Variants in BCL10 observed in about 807,000 individuals in gnomAD.
BCL10 encodes the protein BCL10 immune signaling adaptor, also known as B-cell lymphoma/leukemia 10.
BCL10 carries 5 observed loss-of-function variants against 19.2 expected under a neutral mutation model. That is an observed-to-expected ratio of 0.26 (90% CI 0.14 to 0.55). BCL10 has a LOEUF of 0.55. Among genes scored for constraint, BCL10 ranks in the 20% least tolerant of loss-of-function variants. The probability of loss-of-function intolerance (pLI) is 0.94; values close to 1 mark genes in which losing one functional copy is unlikely to be tolerated. For missense variants in BCL10, 201 were observed against 271.9 expected (o/e 0.74, Z 1.83); for synonymous variants, 110 against 98.8 (o/e 1.11, Z -0.67).
chr1:85,273,235 T>C (rs1660414478), intron 1 of BCL10, among the ~76,000 whole-genome samples: 1 of 152,196 alleles, frequency 6.6e-6, no homozygotes, highest in Non-Finnish European at 1.5e-5. Flanking sequence ...GCCCCAGTAT[T>C]CTTCTCGAAG....
chr1:85,268,605 T>C (rs1660271391), intron 2 of BCL10, among the ~76,000 whole-genome samples: 1 of 151,884 alleles, frequency 6.6e-6, no homozygotes, highest in Non-Finnish European at 1.5e-5. Context: ...CCATCTCTAC[T>C]AAAAATACAG....
chr1:85,269,820 G>C (rs1310978501), intron 2 of BCL10, among the ~76,000 whole-genome samples: 4 of 152,174 alleles, frequency 2.6e-5, no homozygotes, highest in African/African-American at 9.7e-5. Flanking sequence ...GAGTGAAATG[G>C]GACAGGTGAA....
At chr1:85,270,180 T>C (rs1660331189) in intron 2 of BCL10, among the ~76,000 whole-genome samples, 1 of 152,248 alleles carries the variant, frequency 6.6e-6, no homozygotes, top group South Asian at 2.1e-4. Context: ...TATTCCACTT[T>C]TTCAATGTAA....
intron 1 of BCL10, among the ~76,000 whole-genome samples, chr1:85,275,390 TAC>T (rs1660492165): frequency 6.6e-6 from 1 of 152,160 alleles, no homozygotes; most frequent in African/African-American, 2.4e-5. Context: ...CAATTGTGAG[TAC>T]AGTGTAATAA....
intron 1 of BCL10, among the ~76,000 whole-genome samples, chr1:85,276,016 G>A (rs1660515990): frequency 6.6e-6 from 1 of 152,264 alleles, no homozygotes; most frequent in South Asian, 2.1e-4. Flanking sequence ...GGGAAAGCAT[G>A]AGGAGATGGG....
At chr1:85,268,629 G>A (rs369873988) in intron 2 of BCL10, among the ~76,000 whole-genome samples, 22 of 152,092 alleles carry the variant, frequency 1.4e-4, no homozygotes, top group African/African-American at 4.6e-4. Flanking sequence ...TTAGCCAGGC[G>A]TGGTGGCAGG....
At position 85,266,876 on chromosome 1, in the gene BCL10, CA is replaced by C. The variant is rs71650007; in HGVS notation, c.*750del. Reference sequence around the variant, plus strand: ...CCTGGGCGATAGAGCAAGACTGTCTCAAAAAAAAAAAAAAAAAAAAAAGAAA... The same window carrying C: ...CCTGGGCGATAGAGCAAGACTGTCTCAAAAAAAAAAAAAAAAAAAAAGAAA... On this transcript the variant is annotated 3_prime_UTR_variant, in exon 3 of 3. Transcript: ENST00000648566. 0.38 allele frequency: 33,287 copies of C among 87,978 alleles called. 1,844 individuals are homozygous for C. Among genetic ancestry groups the C allele is most frequent in the South Asian group, 0.43 (1,012 of 2,364 alleles). The allele number at this position is 87,978 out of a possible 1,614,324, so 5.4% of individuals were successfully genotyped here. A position where few individuals can be genotyped will look rare whatever the true frequency, so the allele number is the denominator to read the frequency against.
chr1:85,275,593 A>C (rs1660498304), intron 1 of BCL10, among the ~76,000 whole-genome samples: 1 of 152,250 alleles, frequency 6.6e-6, no homozygotes, highest in Non-Finnish European at 1.5e-5. Flanking sequence ...CTCATCTGAC[A>C]AAACAAGTAA....
chr1:85,270,561 A>C, intron 2 of BCL10, 57 bp downstream of exon 2: 1 of 1,515,040 alleles, frequency 6.6e-7, no homozygotes, highest in Non-Finnish European at 8.9e-7. Context: ...CCTGCTCTGC[A>C]TTTTTTAAAA....
At chr1:85,269,064 G>C (rs1261935242) in intron 2 of BCL10, among the ~76,000 whole-genome samples, 2 of 152,192 alleles carry the variant, frequency 1.3e-5, no homozygotes, top group East Asian at 3.9e-4. Flanking sequence ...CCATTATCAC[G>C]GGAATGGGTT....
intron 1 of BCL10, among the ~76,000 whole-genome samples, chr1:85,275,186 T>C (rs1011346517): frequency 2.6e-5 from 4 of 152,232 alleles, no homozygotes; most frequent in Non-Finnish European, 5.9e-5. Flanking sequence ...ACATTTATTC[T>C]ACAGTAGTTA....
intron 1 of BCL10, among the ~76,000 whole-genome samples, chr1:85,271,312 G>C (rs568859221): frequency 7.2e-5 from 11 of 152,216 alleles, no homozygotes; most frequent in African/African-American, 2.4e-4. Context: ...AGGTCTCACA[G>C]TCTGTAACTT....
chr1:85,270,416 G>C (rs1660338242), intron 2 of BCL10, among the ~76,000 whole-genome samples: 1 of 152,174 alleles, frequency 6.6e-6, no homozygotes, highest in Non-Finnish European at 1.5e-5. Flanking sequence ...GGAAACACAG[G>C]TATGCACCAT....
At chr1:85,276,015 TGAG>T (rs1297503826) in intron 1 of BCL10, among the ~76,000 whole-genome samples, 1 of 152,158 alleles carries the variant, frequency 6.6e-6, no homozygotes, top group Non-Finnish European at 1.5e-5. Context: ...GGGGAAAGCA[TGAG>T]GAGATGGGTG....
intron 2 of BCL10, among the ~76,000 whole-genome samples, 166 bp downstream of exon 2, chr1:85,270,452 T>C (rs936677545): frequency 1.3e-5 from 2 of 152,206 alleles, no homozygotes; most frequent in Non-Finnish European, 2.9e-5. Flanking sequence ...TTTTAATTTT[T>C]TGTAGAGACA....
In BCL10 at chr1:85,266,890, A is replaced by AG. The variant is rs1017730225; in HGVS notation, c.*736_*737insC. On this transcript the variant is annotated 3_prime_UTR_variant, in exon 3 of 3. Coordinates refer to ENST00000648566, the MANE Select transcript of BCL10 (RefSeq NM_003921.5). ...CAAGACTGTCTCAAAAAAAAAAAAA[A>AG]AAAAAAAAGAAAAAAGGAAAAAATA... is the stretch of plus-strand genomic sequence containing the variant. 8.0e-5 allele frequency: 14 copies of AG among 175,858 alleles called. No homozygotes were observed. The highest frequency in any genetic ancestry group is 1.6e-4 in the Non-Finnish European group (13 of 82,078). The allele number at this position is 175,858 out of a possible 1,614,324, so 10.9% of individuals were successfully genotyped here. A position where few individuals can be genotyped will look rare whatever the true frequency, so the allele number is the denominator to read the frequency against.
rs1660239070 is a variant in BCL10, at chr1:85,267,689, T to C, written c.640A>G (p.Thr214Ala). 6.2e-7 allele frequency: 1 copy of C among 1,614,052 alleles called. No individual in the cohort carries two copies. Residue 214 changes from threonine (T) to alanine (A), a missense_variant, in exon 3 of 3, where the codon ACT (threonine) becomes GCT (alanine). Coordinates refer to ENST00000648566, the MANE Select transcript of BCL10 (RefSeq NM_003921.5). ...AACATCTCACTAGAGTTTGCACAAG[T>C]TCCTTCTTCTTCTAACTGTAGATCT... ...PPDLQLEEEGTCANSSEMFLP... is the reference protein window; with the variant it reads ...PPDLQLEEEGACANSSEMFLP...
At chr1:85,269,304 A>G (rs2100745802) in intron 2 of BCL10, among the ~76,000 whole-genome samples, 1 of 152,358 alleles carries the variant, frequency 6.6e-6, no homozygotes, top group Non-Finnish European at 1.5e-5. Context: ...CCATCAAAGA[A>G]TTTTATGATA....
rs1435869065 is a variant in BCL10 at position 85,276,276 on chromosome 1, G to T, written c.57+20C>A. 1 of 1,612,386 alleles carries T rather than the reference G, an allele frequency of 6.2e-7. No homozygotes were observed. ...CTGCAGCCCGCCCCCGCCCGCCCTG[G>T]GCACAGCTGCGTTACTCACGTCCTT... On this transcript the variant is annotated intron_variant, in intron 1 of 2. Coordinates refer to ENST00000648566, the MANE Select transcript of BCL10 (RefSeq NM_003921.5).
Sources: allele counts gnomAD v4.1 joint callset (sites outside exome capture counted in the v4.1 genomes callset), GRCh38; gene constraint gnomAD v4.1.1; transcripts MANE v1.5; gene names NCBI Gene and HGNC (gene_info 2026-07-23, HGNC 2026-07-21).